Variants in ZCCHC9 observed in about 807,000 individuals in gnomAD.
The protein encoded by ZCCHC9 is zinc finger CCHC domain-containing protein 9.
Under a neutral mutation model 30.8 loss-of-function variants are expected in ZCCHC9, and 18 were observed. The observed-to-expected ratio is 0.58, with a 90% confidence interval of 0.40 to 0.87. The LOEUF (loss-of-function observed/expected upper bound fraction) is 0.87. Among genes scored for constraint, ZCCHC9 ranks in the 40% least tolerant of loss-of-function variants. ZCCHC9 has a pLI of 0.00. For missense variants in ZCCHC9, 279 were observed against 331.2 expected (o/e 0.84, Z 1.22); for synonymous variants, 94 against 106.7 (o/e 0.88, Z 0.73).
At chr5:81,308,022 A>AATCTGTCTATCT (rs1758136411) in intron 2 of ZCCHC9, among the ~76,000 whole-genome samples, 2 of 68,360 alleles carry the variant, frequency 2.9e-5, no homozygotes, top group Non-Finnish European at 5.6e-5. Flanking sequence ...AAAAAAAAAA[A>AATCTGTCTATCT]ATCTATCTAT....
intron 4 of ZCCHC9, 139 bp downstream of exon 4, chr5:81,309,177 C>A: frequency 1.6e-6 from 1 of 629,164 alleles, no homozygotes; most frequent in Non-Finnish European, 2.6e-6. Context: ...TTATCAAGTG[C>A]TATCATATGT....
chr5:81,312,664 A>G lies in ZCCHC9; in HGVS notation c.*2A>G, dbSNP rs760979859. 6.3e-7 allele frequency: 1 copy of G among 1,598,984 alleles called. No homozygotes were observed. Among genetic ancestry groups the G allele is most frequent in the South Asian group, 1.1e-5 (1 of 90,694 alleles). On this transcript the variant is annotated 3_prime_UTR_variant, in exon 6 of 6. Coordinates refer to ENST00000407610, the MANE Select transcript of ZCCHC9 (RefSeq NM_001131035.2). ...ATACCTAAAGTTGTTAATTTTTGATAACAGCTAGCACTATCATGAGTTACT... is the reference window on the plus strand; with the variant it reads ...ATACCTAAAGTTGTTAATTTTTGATGACAGCTAGCACTATCATGAGTTACT...
At chr5:81,310,488 GAAA>G (rs1758246336) in intron 4 of ZCCHC9, among the ~76,000 whole-genome samples, 1 of 151,818 alleles carries the variant, frequency 6.6e-6, no homozygotes, top group Non-Finnish European at 1.5e-5. Context: ...AAAAAAAAAA[GAAA>G]ATTCAGCCAG....
In ZCCHC9 at chr5:81,312,343, G is replaced by A. The variant is rs557194720; in HGVS notation, c.698-201G>A. On this transcript the variant is annotated intron_variant, in intron 5 of 5. Coordinates refer to ENST00000407610, the MANE Select transcript of ZCCHC9 (RefSeq NM_001131035.2). ...AAGTAGTTGCTGCATTTCCCTAATT[G>A]GGATGAGAAATTGCCTGTGGTACTC... 1.1e-4 allele frequency among the ~76,000 whole-genome samples: 17 copies of A among 152,276 alleles called. No individual in the cohort carries two copies. The South Asian group carries it at 2.5e-3, about 22-fold the overall frequency.
At chr5:81,310,699 C>T (rs140626581) in intron 4 of ZCCHC9, among the ~76,000 whole-genome samples, 4 of 152,226 alleles carry the variant, frequency 2.6e-5, no homozygotes, top group African/African-American at 9.6e-5. Flanking sequence ...GGGTGCCTGG[C>T]CAGTGGAAGG....
chr5:81,308,888 T>A (rs1758176806), intron 3 of ZCCHC9, 58 bp from the exon 4 acceptor site: 2 of 1,483,120 alleles, frequency 1.3e-6, no homozygotes, highest in African/African-American at 1.4e-5. Flanking sequence ...AAAATAATGT[T>A]AATTTTATGA....
At chr5:81,307,034 G>T (rs987932943) in intron 2 of ZCCHC9, among the ~76,000 whole-genome samples, 1 of 152,152 alleles carries the variant, frequency 6.6e-6, no homozygotes, top group Admixed American at 6.5e-5. Context: ...AGGAAAAAAA[G>T]GACAGTTGCA....
chr5:81,308,422 C>CT, intron 2 of ZCCHC9, 139 bp from the exon 3 acceptor site: 1 of 1,156,566 alleles, frequency 8.6e-7, no homozygotes, highest in Non-Finnish European at 1.2e-6. Context: ...CGTATGAAAG[C>CT]TTTTTTCTAC....
At position 81,311,489 on chromosome 5, in the gene ZCCHC9, T is replaced by G. The variant is rs115312692; in HGVS notation, c.697+210T>G. On this transcript the variant is annotated intron_variant, in intron 5 of 5. Transcript: ENST00000407610. ...GGGGGAAAAAAGTGACCAGTAAGCC[T>G]TAGGGGACCCTGACTTTATAAGACA... Among the ~76,000 whole-genome samples, 211 of 152,268 alleles carry G rather than the reference T, an allele frequency of 1.4e-3. 2 individuals are homozygous for G. Among genetic ancestry groups the G allele is most frequent in the African/African-American group, 5.0e-3 (206 of 41,560 alleles).
chr5:81,304,790 T>C lies in ZCCHC9; in HGVS notation c.33T>C (p.Tyr11=), dbSNP rs1238677336. The change falls in exon 2 of 6, where the codon TAT becomes TAC. Residue 11 remains tyrosine, a synonymous_variant. Transcript: ENST00000407610. MTRWARVSTT[Y]NKRPLPATSW... ...GGTGGGCCCGAGTTAGTACCACATA[T>C]AACAAGAGACCCTTGCCTGCAACAT... The C allele has an allele frequency of 2.5e-6, 4 of 1,605,960 alleles. No individual in the cohort carries two copies. Among genetic ancestry groups the C allele is most frequent in the South Asian group, 2.2e-5 (2 of 89,330 alleles).
At chr5:81,304,005 T>C (rs1352763461) in intron 1 of ZCCHC9, 1 of 152,246 alleles carries the variant, frequency 6.6e-6, no homozygotes, top group African/African-American at 2.4e-5. Context: ...TTTATGTATG[T>C]GCTCTAAAAT....
rs777009579 is a variant in ZCCHC9, at chr5:81,312,685, T to C, written c.*23T>C. On this transcript the variant is annotated 3_prime_UTR_variant, in exon 6 of 6. Coordinates refer to ENST00000407610, the MANE Select transcript of ZCCHC9 (RefSeq NM_001131035.2). ...TGATAACAGCTAGCACTATCATGAG[T>C]TACTACCTCATTGTTACTTTCTAAA... 1 of 1,530,074 alleles carries C rather than the reference T, an allele frequency of 6.5e-7. No individual in the cohort carries two copies. The highest frequency in any genetic ancestry group is 1.1e-5 in the South Asian group (1 of 88,682). 94.8% of individuals were successfully genotyped at this position (1,530,074 alleles called of 1,614,324 possible).
At chr5:81,308,030 T>TAAAAAAAA (rs1561305960) in intron 2 of ZCCHC9, among the ~76,000 whole-genome samples, 3 of 140,868 alleles carry the variant, frequency 2.1e-5, no homozygotes, top group African/African-American at 8.3e-5. Context: ...AAAATCTATC[T>TAAAAAAAA]ATCTATCTAT....
intron 1 of ZCCHC9, 27 bp from the exon 2 acceptor site, chr5:81,304,713 AC>A (rs755032761): frequency 2.6e-6 from 4 of 1,522,734 alleles, no homozygotes; most frequent in Non-Finnish European, 3.5e-6. Context: ...ATGGCTAACC[AC>A]CCATGCTTGT....
chr5:81,308,533 C>T (rs749451770), intron 2 of ZCCHC9, 28 bp from the exon 3 acceptor site: 15 of 1,580,088 alleles, frequency 9.5e-6, no homozygotes, highest in East Asian at 2.3e-5. Flanking sequence ...AGTTTTGCAG[C>T]GTGCCAACCT....
At position 81,305,017 on chromosome 5, in the gene ZCCHC9, A is replaced by C. The variant is rs140370421; in HGVS notation, c.260A>C (p.His87Pro). ...EYLRQNSQMV[H>P]NGQIIATDSE... ...CTAAGACAGAATTCACAGATGGTTC[A>C]CAATGGGCAAATTATAGCAACAGAC... The change falls in exon 2 of 6, where the codon CAC becomes CCC. Residue 87 changes from histidine to proline, a missense_variant. His to Pro is a moderately conservative substitution (Grantham distance 77). Transcript: ENST00000407610. The C allele has an allele frequency of 3.7e-6, 6 of 1,614,124 alleles. No individual in the cohort carries two copies. The highest frequency in any genetic ancestry group is 2.7e-5 in the African/African-American group (2 of 74,956).
rs368749277 is a variant in ZCCHC9, at chr5:81,308,609, G to A, written c.433G>A (p.Ala145Thr). ...TGGTCATGGAATTGCAGATTGCCCC[G>A]CCGCCCTTGAAAATCAAGACATGGG... ...KPGHGIADCP[A>T]ALENQDMGTG... Residue 145 changes from alanine to threonine, a missense_variant, in exon 3 of 6, where the codon GCC (alanine) becomes ACC (threonine). Transcript: ENST00000407610. 1.3e-4 allele frequency: 203 copies of A among 1,613,362 alleles called. No homozygotes were observed. Among genetic ancestry groups the A allele is most frequent in the African/African-American group, 4.9e-4 (37 of 74,876 alleles).
intron 2 of ZCCHC9, 121 bp downstream of exon 2, chr5:81,305,262 C>T (rs1758056775): frequency 6.0e-6 from 8 of 1,342,434 alleles, no homozygotes; most frequent in African/African-American, 4.5e-5. Flanking sequence ...TATAGAGCAT[C>T]GTTTTAAGGA....
chr5:81,305,142 G>T lies in ZCCHC9; in HGVS notation c.384+1G>T. On this transcript the variant is annotated splice_donor_variant, in intron 2 of 5. Transcript: ENST00000407610. LOFTEE classifies it high-confidence loss of function. ...ACAAGCGGCAAAGAAAAATGCAATG[G>T]TGAGAGCATCACTTCTACCATGTTA... is the stretch of plus-strand genomic sequence containing the variant. 3.8e-6 allele frequency: 6 copies of T among 1,588,936 alleles called. No homozygotes were observed. The highest frequency in any genetic ancestry group is 5.1e-6 in the Non-Finnish European group (6 of 1,171,742).
Sources: allele counts gnomAD v4.1 joint callset (sites outside exome capture counted in the v4.1 genomes callset), GRCh38; gene constraint gnomAD v4.1.1; transcripts MANE v1.5; gene names NCBI Gene and HGNC (gene_info 2026-07-23, HGNC 2026-07-21).